SGPP2: variants seen among roughly 807,000 people sequenced by gnomAD.
SGPP2 encodes the protein sphingosine 1-phosphate phosphohydrolase 2.
SGPP2 carries 30 observed loss-of-function variants against 33.9 expected under a neutral mutation model. That is an observed-to-expected ratio of 0.89 (90% CI 0.66 to 1.20). SGPP2 has a LOEUF of 1.20. Ranked by LOEUF, SGPP2 falls within the 50% of genes most tolerant of loss-of-function variation. The pLI is 0.00. For missense variants in SGPP2, 458 were observed against 532.1 expected (o/e 0.86, Z 1.37); for synonymous variants, 233 against 225.0 (o/e 1.04, Z -0.32).
chr2:222,474,461 A>T, intron 1 of SGPP2, 107 bp from the exon 2 acceptor site: 1 of 913,618 alleles, frequency 1.1e-6, no homozygotes, highest in Non-Finnish European at 1.7e-6. Context: ...ACATAATGGG[A>T]GAGGAGACAG....
In SGPP2 at chr2:222,558,754, A is replaced by C; in HGVS notation, c.1056A>C (p.Ser352=). 1 of 1,614,118 alleles carries C rather than the reference A, an allele frequency of 6.2e-7. No homozygotes were observed. ...VQNLSLQVLY[S]WFKVVTRNKE... The stretch of plus-strand genomic sequence containing the variant: ...ATCTCTCACTGCAAGTATTATACTC[A>C]TGGTTCAAGGTGGTCACCAGGAACA... The change falls in exon 5 of 5, where the codon TCA becomes TCC. Residue 352 remains serine, a synonymous_variant. Coordinates refer to ENST00000321276, the MANE Select transcript of SGPP2 (RefSeq NM_152386.4).
intron 1 of SGPP2, among the ~76,000 whole-genome samples, chr2:222,471,186 G>A (rs16863722): frequency 0.016 from 2,376 of 152,184 alleles, 67 homozygotes; most frequent in African/African-American, 0.054. Context: ...ACTGTCTCCC[G>A]GTAGTCCTGT....
chr2:222,517,046 T>G (rs1698614133), intron 2 of SGPP2, among the ~76,000 whole-genome samples: 2 of 152,178 alleles, frequency 1.3e-5, no homozygotes, highest in African/African-American at 4.8e-5. Context: ...CTACCTATTA[T>G]CCAGCATCAC....
rs1294352899 is a variant in SGPP2 at position 222,559,618 on chromosome 2, T to G, written c.*720T>G. On this transcript the variant is annotated 3_prime_UTR_variant, in exon 5 of 5. Coordinates refer to ENST00000321276, the MANE Select transcript of SGPP2 (RefSeq NM_152386.4). Reference sequence around the variant, plus strand: ...CTGGGACTGTAAGCATAGACCACCATGTGCCCAGCTAATTTTTGTAGAGAC... The same window carrying G: ...CTGGGACTGTAAGCATAGACCACCAGGTGCCCAGCTAATTTTTGTAGAGAC... The G allele has an allele frequency of 6.6e-6, 1 of 152,250 alleles. No homozygotes were observed. The highest frequency in any genetic ancestry group is 1.5e-5 in the Non-Finnish European group (1 of 68,134). The allele number at this position is 152,250 out of a possible 1,614,324, so 9.4% of individuals were successfully genotyped here.
intron 1 of SGPP2, among the ~76,000 whole-genome samples, chr2:222,455,158 C>A (rs938222697): frequency 1.3e-5 from 2 of 151,744 alleles, no homozygotes; most frequent in African/African-American, 2.4e-5. Context: ...TTGCTTGACC[C>A]CAAGAGTTCA....
At chr2:222,508,036 C>G (rs1698471539) in intron 2 of SGPP2, among the ~76,000 whole-genome samples, 2 of 152,102 alleles carry the variant, frequency 1.3e-5, no homozygotes, top group Non-Finnish European at 2.9e-5. Context: ...CAGTGGGAGT[C>G]ATTTGGATGT....
chr2:222,435,278 T>C (rs768706360), intron 1 of SGPP2, among the ~76,000 whole-genome samples: 1 of 152,098 alleles, frequency 6.6e-6, no homozygotes, highest in Non-Finnish European at 1.5e-5. Flanking sequence ...GTCTCTCTTT[T>C]TACATTTTTC....
intron 1 of SGPP2, among the ~76,000 whole-genome samples, chr2:222,470,285 AAAAAT>A (rs145736344): frequency 0.013 from 1,945 of 152,354 alleles, 38 homozygotes; most frequent in African/African-American, 0.044. Flanking sequence ...AGTGAAATTA[AAAAAT>A]AAAATAAAAA....
chr2:222,548,327 C>A lies in SGPP2; in HGVS notation c.649-10020C>A, dbSNP rs567897173. On this transcript the variant is annotated intron_variant, in intron 4 of 4. Transcript: ENST00000321276. ...GAAAACCATCTTCTGTTAAAAATGTCAATTTCAACTGCAGGTTTAAATATG... is the reference window on the plus strand; with the variant it reads ...GAAAACCATCTTCTGTTAAAAATGTAAATTTCAACTGCAGGTTTAAATATG... Among the ~76,000 whole-genome samples the A allele has an allele frequency of 5.3e-5, 8 of 152,322 alleles. 1 individual carries two copies. The South Asian group carries it at 1.7e-3, about 32-fold the overall frequency.
At chr2:222,541,598 A>T (rs1057495771) in intron 4 of SGPP2, among the ~76,000 whole-genome samples, 2 of 10,176 alleles carry the variant, frequency 2.0e-4, no homozygotes, top group African/African-American at 7.6e-4. Context: ...AAACTATTTT[A>T]TTTATTTATT....
chr2:222,451,077 C>A (rs748937239), intron 1 of SGPP2, among the ~76,000 whole-genome samples: 9 of 151,228 alleles, frequency 6.0e-5, no homozygotes, highest in South Asian at 4.3e-4. Flanking sequence ...TTCCAACATT[C>A]CCTTCCCCCA....
At chr2:222,530,351 C>T (rs1396887567) in intron 4 of SGPP2, among the ~76,000 whole-genome samples, 2 of 152,248 alleles carry the variant, frequency 1.3e-5, no homozygotes, top group East Asian at 3.8e-4. Context: ...TAGATGGCAT[C>T]TTCTTCCAAT....
intron 1 of SGPP2, among the ~76,000 whole-genome samples, chr2:222,458,360 C>A (rs953188724): frequency 2.6e-5 from 4 of 152,056 alleles, no homozygotes; most frequent in African/African-American, 9.7e-5. Flanking sequence ...TGGCCCAGTG[C>A]CTCTGTTGAA....
intron 1 of SGPP2, among the ~76,000 whole-genome samples, chr2:222,446,501 A>G (rs1344233288): frequency 6.6e-6 from 1 of 152,200 alleles, no homozygotes; most frequent in Non-Finnish European, 1.5e-5. Flanking sequence ...AATGTTTTCT[A>G]TGCATGGGTT....
chr2:222,469,374 AG>A (rs1282511891), intron 1 of SGPP2, among the ~76,000 whole-genome samples: 7 of 151,906 alleles, frequency 4.6e-5, no homozygotes, highest in African/African-American at 1.5e-4. Flanking sequence ...TAGTACAGAC[AG>A]GGTTTCACCA....
chr2:222,456,312 GTGA>G (rs1244092862), intron 1 of SGPP2, among the ~76,000 whole-genome samples: 1 of 152,194 alleles, frequency 6.6e-6, no homozygotes, highest in Non-Finnish European at 1.5e-5. Flanking sequence ...TAAATTTTGT[GTGA>G]TGATGGACAT....
chr2:222,504,258 T>G (rs947825089), intron 2 of SGPP2: 5 of 152,238 alleles, frequency 3.3e-5, no homozygotes, highest in Admixed American at 6.5e-5. Flanking sequence ...GATTGAGAGA[T>G]AATGACCACT....
chr2:222,434,483 G>C (rs1255935682), intron 1 of SGPP2, among the ~76,000 whole-genome samples: 1 of 152,126 alleles, frequency 6.6e-6, no homozygotes, highest in African/African-American at 2.4e-5. Context: ...CAAGGCTTGG[G>C]AGTCTTGGGA....
Position 222,478,267 on chromosome 2 carries a change from T to TG in SGPP2, c.378+3541_378+3542insG, listed in dbSNP as rs1697979005. Reference sequence around the variant, plus strand: ...TGCATCTTCGTGTATGTGCATGCATTTGTGTGTGTGTGTGTGTGTGTGTGT... The same window carrying TG: ...TGCATCTTCGTGTATGTGCATGCATTGTGTGTGTGTGTGTGTGTGTGTGTGT... On this transcript the variant is annotated intron_variant, in intron 2 of 4. Transcript: ENST00000321276. Among the ~76,000 whole-genome samples, 160 of 141,592 alleles carry TG rather than the reference T, an allele frequency of 1.1e-3. 1 individual carries two copies. The highest frequency in any genetic ancestry group is 4.0e-3 in the African/African-American group (151 of 37,346). The allele number at this position is 141,592 out of a possible 152,430, so 92.9% of individuals were successfully genotyped here.
Sources: allele counts gnomAD v4.1 joint callset (sites outside exome capture counted in the v4.1 genomes callset), GRCh38; gene constraint gnomAD v4.1.1; transcripts MANE v1.5; gene names NCBI Gene and HGNC (gene_info 2026-07-23, HGNC 2026-07-21).